Variants in NPTN observed in about 807,000 individuals in gnomAD.
NPTN encodes the protein SDR-1.
Under a neutral mutation model 42.7 loss-of-function variants are expected in NPTN, and 5 were observed. That is an observed-to-expected ratio of 0.12 (90% CI 0.06 to 0.25). The LOEUF (loss-of-function observed/expected upper bound fraction) is 0.25. Among genes scored for constraint, NPTN ranks in the 10% least tolerant of loss-of-function variants. The pLI, the probability that NPTN is intolerant of heterozygous loss-of-function variation, is 1.00. For synonymous variants in NPTN, 180 were observed against 201.9 expected, an observed-to-expected ratio of 0.89 and a Z score of 0.92; for missense variants, 307 against 525.4, an observed-to-expected ratio of 0.58 and a Z score of 4.06.
At chr15:73,591,749 G>T in intron 3 of NPTN, 2 of 408,344 alleles carry the variant, frequency 4.9e-6, no homozygotes, top group South Asian at 5.1e-5. Context: ...TATAGTGAGG[G>T]GATCATCTAT....
intron 4 of NPTN, 75 bp from the exon 5 acceptor site, chr15:73,573,870 C>T: frequency 6.5e-7 from 1 of 1,549,046 alleles, no homozygotes. Context: ...CCTTCTGGCT[C>T]AGAGCCCTGC....
intron 3 of NPTN, among the ~76,000 whole-genome samples, chr15:73,588,451 C>A (rs529735287): frequency 1.2e-4 from 19 of 152,248 alleles, no homozygotes; most frequent in African/African-American, 4.6e-4. Flanking sequence ...AAAAAATCTG[C>A]CATCAGAGCA....
chr15:73,595,290 A>G (rs1896781950), intron 2 of NPTN, among the ~76,000 whole-genome samples: 1 of 152,168 alleles, frequency 6.6e-6, no homozygotes, highest in Non-Finnish European at 1.5e-5. Context: ...TTCTGCTTTT[A>G]TAAGGAAAGG....
Position 73,597,468 on chromosome 15 carries a change from A to C in NPTN, c.92-99T>G. ...GTAATTTAAAGAAAAGAAAAGAAAA[A>C]AGCAAATGAGTTGCAAAGAACAAAA... On this transcript the variant is annotated intron_variant, in intron 1 of 8. Coordinates refer to ENST00000345330, the MANE Select transcript of NPTN (RefSeq NM_012428.4). The surrounding 1 kb of genome is among the most constrained non-coding windows in gnomAD (Gnocchi z 6.3). The C allele has an allele frequency of 1.1e-6, 1 of 944,176 alleles. No individual in the cohort carries two copies. The highest frequency in any genetic ancestry group is 1.6e-6 in the Non-Finnish European group (1 of 638,286). 58.5% of individuals were successfully genotyped at this position (944,176 alleles called of 1,614,324 possible). A position where few individuals can be genotyped will look rare whatever the true frequency, so the allele number is the denominator to read the frequency against.
chr15:73,577,174 G>C (rs1283720320), intron 4 of NPTN, among the ~76,000 whole-genome samples: 2 of 152,202 alleles, frequency 1.3e-5, no homozygotes, highest in East Asian at 1.9e-4. Flanking sequence ...GATGAGAGTA[G>C]TAATGTTTTT....
chr15:73,615,384 CTACA>C (rs1897815734), intron 1 of NPTN, among the ~76,000 whole-genome samples: 1 of 152,074 alleles, frequency 6.6e-6, no homozygotes, highest in Non-Finnish European at 1.5e-5. Context: ...ATTTAATTTG[CTACA>C]TAAAGATACA....
intron 4 of NPTN, among the ~76,000 whole-genome samples, chr15:73,586,727 GACTGAAA>G (rs1461206092): frequency 1.3e-5 from 2 of 152,160 alleles, no homozygotes; most frequent in Non-Finnish European, 2.9e-5. Context: ...AAATGAGAAA[GACTGAAA>G]ATAAAAAATC....
At position 73,569,458 on chromosome 15, in the gene NPTN, G is replaced by A. The variant is rs1316946788; in HGVS notation, c.1114+692C>T. 1.1e-5 allele frequency: 11 copies of A among 985,388 alleles called. No homozygotes were observed. The South Asian group carries it at 4.2e-4, about 38-fold the overall frequency. The allele number at this position is 985,388 out of a possible 1,614,324, so 61.0% of individuals were successfully genotyped here. Reference sequence around the variant, plus strand: ...TAGGCCAGCTTGAGGGCACAGCCTCGGGGCATGGACTCCATTTGTTCCGCC... The same window carrying A: ...TAGGCCAGCTTGAGGGCACAGCCTCAGGGCATGGACTCCATTTGTTCCGCC... On this transcript the variant is annotated intron_variant, in intron 6 of 8. Coordinates refer to ENST00000345330, the MANE Select transcript of NPTN (RefSeq NM_012428.4). The surrounding 1 kb of genome is among the most constrained non-coding windows in gnomAD (Gnocchi z 4.1).
chr15:73,627,947 T>C (rs1363349407), intron 1 of NPTN, among the ~76,000 whole-genome samples: 1 of 152,116 alleles, frequency 6.6e-6, no homozygotes, highest in Non-Finnish European at 1.5e-5. Flanking sequence ...TTAATTTTAC[T>C]GGAGGGGTTT....
At chr15:73,565,311 A>G (rs902396823) in intron 6 of NPTN, among the ~76,000 whole-genome samples, 1 of 152,210 alleles carries the variant, frequency 6.6e-6, no homozygotes, top group African/African-American at 2.4e-5. Context: ...GTCAGACAAA[A>G]AAACGACTTG....
At chr15:73,611,283 A>C (rs1306594792) in intron 1 of NPTN, among the ~76,000 whole-genome samples, 4 of 152,216 alleles carry the variant, frequency 2.6e-5, no homozygotes, top group African/African-American at 9.7e-5. Context: ...ACTGTTAAAT[A>C]ATTAAAAGTT....
At chr15:73,567,856 A>T in intron 6 of NPTN, 2 of 985,376 alleles carry the variant, frequency 2.0e-6, no homozygotes, top group Non-Finnish European at 2.4e-6. Flanking sequence ...CAGATTTTTC[A>T]CCCCAATGCA....
chr15:73,579,798 T>C (rs1414210801), intron 4 of NPTN, among the ~76,000 whole-genome samples: 5 of 152,088 alleles, frequency 3.3e-5, no homozygotes, highest in Non-Finnish European at 7.4e-5. Context: ...GCCATGTGAG[T>C]GAGCTGTACA....
intron 1 of NPTN, among the ~76,000 whole-genome samples, chr15:73,605,935 G>A (rs949612716): frequency 2.0e-5 from 3 of 151,848 alleles, no homozygotes; most frequent in African/African-American, 7.3e-5. Context: ...GGTGGCTCAC[G>A]CCTGTAATAC....
intron 1 of NPTN, among the ~76,000 whole-genome samples, chr15:73,607,412 C>G (rs915594219): frequency 6.6e-6 from 1 of 152,098 alleles, no homozygotes; most frequent in African/African-American, 2.4e-5. Context: ...GTTAAGATAC[C>G]AAAATTCATC....
At chr15:73,564,491 GA>G (rs887254664) in intron 6 of NPTN, among the ~76,000 whole-genome samples, 4 of 152,156 alleles carry the variant, frequency 2.6e-5, no homozygotes, top group Non-Finnish European at 5.9e-5. Flanking sequence ...TCAAAAAAAA[GA>G]ACTAACCACA....
At chr15:73,632,881 C>G (rs971389897) in intron 1 of NPTN, 1 of 386,524 alleles carries the variant, frequency 2.6e-6, no homozygotes, top group African/African-American at 2.1e-5. Context: ...CGACGTGGAG[C>G]CTCCGAGTGG....
Position 73,597,215 on chromosome 15 carries a change from A to G in NPTN, c.246T>C (p.Ala82=), listed in dbSNP as rs1047987149. 3 of 1,614,106 alleles carry G rather than the reference A, an allele frequency of 1.9e-6. No individual in the cohort carries two copies. Among genetic ancestry groups the G allele is most frequent in the Non-Finnish European group, 2.5e-6 (3 of 1,180,006 alleles). The change falls in exon 2 of 9, where the codon GCT becomes GCC. Residue 82 remains alanine (A), a synonymous_variant. Transcript: ENST00000345330. This position sits in a 1 kb window ranked among gnomAD's most constrained non-coding sequence, Gnocchi z 6.3. ...TGTTTACGGTGACACGGCGCTTCCGAGCACCGTCCCACAGCTGTCTGAAAG... is the reference window on the plus strand; with the variant it reads ...TGTTTACGGTGACACGGCGCTTCCGGGCACCGTCCCACAGCTGTCTGAAAG... ...AESFRQLWDG[A]RKRRVTVNTA... is the part of the protein sequence containing the mutation.
At chr15:73,586,478 A>C (rs1896324956) in intron 4 of NPTN, among the ~76,000 whole-genome samples, 1 of 152,202 alleles carries the variant, frequency 6.6e-6, no homozygotes, top group South Asian at 2.1e-4. Context: ...GGCCATCCCT[A>C]CATCAACTCA....
Sources: allele counts gnomAD v4.1 joint callset (sites outside exome capture counted in the v4.1 genomes callset), GRCh38; gene constraint gnomAD v4.1.1; non-coding constraint Gnocchi (gnomAD v3.1); transcripts MANE v1.5; gene names NCBI Gene and HGNC (gene_info 2026-07-23, HGNC 2026-07-21).